KIF26B: variants seen among roughly 807,000 people sequenced by gnomAD.
The protein encoded by KIF26B is kinesin family member 26B, also known as kinesin-like protein KIF26B.
In KIF26B, 63 loss-of-function variants were observed where a neutral mutation model predicts 151.2. That is an observed-to-expected ratio of 0.42 (90% CI 0.34 to 0.51). KIF26B has a LOEUF of 0.51. KIF26B is among the 20% of genes least tolerant of loss of function. The pLI is 0.07. For missense variants in KIF26B, 2,813 were observed against 2,913.6 expected (o/e 0.97, Z 0.79); for synonymous variants, 1,357 against 1,262.1 (o/e 1.08, Z -1.59).
intron 2 of KIF26B, among the ~76,000 whole-genome samples, chr1:245,351,125 G>T (rs914299243): frequency 3.3e-5 from 5 of 152,174 alleles, no homozygotes; most frequent in Non-Finnish European, 7.3e-5. Context: ...CCTATGCATT[G>T]GGATAAACTT....
At chr1:245,251,345 C>G (rs1049256124) in intron 2 of KIF26B, among the ~76,000 whole-genome samples, 6 of 152,156 alleles carry the variant, frequency 3.9e-5, no homozygotes, top group African/African-American at 1.4e-4. Context: ...GGCAGGTCTT[C>G]TAACTTTCTA....
rs375566316 is a variant in KIF26B at position 245,688,508 on chromosome 1, C to G, written c.5525C>G (p.Ala1842Gly). ...GGGGCCCTGGCCGAGGACGAGCCCGCGGCCGCGCACCTGCTCCCGTCGCCC... is the reference window on the plus strand; with the variant it reads ...GGGGCCCTGGCCGAGGACGAGCCCGGGGCCGCGCACCTGCTCCCGTCGCCC... ...RGGALAEDEP[A>G]AAHLLPSPYS... Residue 1842 changes from alanine to glycine, a missense_variant, in exon 12 of 15, where the codon GCG becomes GGG. Transcript: ENST00000407071. The G allele has an allele frequency of 6.7e-7, 1 of 1,493,098 alleles. No homozygotes were observed. The highest frequency in any genetic ancestry group is 1.3e-5 in the South Asian group (1 of 78,898). 92.5% of individuals were successfully genotyped at this position (1,493,098 alleles called of 1,614,324 possible). A position where few individuals can be genotyped will look rare whatever the true frequency, so the allele number is the denominator to read the frequency against.
intron 2 of KIF26B, among the ~76,000 whole-genome samples, chr1:245,341,459 A>C (rs1672333268): frequency 6.6e-6 from 1 of 151,944 alleles, no homozygotes; most frequent in Admixed American, 6.6e-5. Flanking sequence ...AGCTGTGGCT[A>C]CAGGCACACA....
At chr1:245,533,800 A>G (rs947462210) in intron 4 of KIF26B, among the ~76,000 whole-genome samples, 1 of 152,078 alleles carries the variant, frequency 6.6e-6, no homozygotes, top group Non-Finnish European at 1.5e-5. Flanking sequence ...TACAAAAAAA[A>G]AAAAGTCAAA....
At chr1:245,598,545 T>G (rs1056896074) in intron 5 of KIF26B, among the ~76,000 whole-genome samples, 1 of 152,148 alleles carries the variant, frequency 6.6e-6, no homozygotes, top group Non-Finnish European at 1.5e-5. Context: ...TGTGATCACG[T>G]GTAGTGGTCA....
chr1:245,566,430 T>C (rs185691320), intron 5 of KIF26B, among the ~76,000 whole-genome samples: 19 of 152,378 alleles, frequency 1.2e-4, no homozygotes, highest in Admixed American at 1.1e-3. Context: ...GCAAATTCAA[T>C]GATAATTGTG....
At chr1:245,527,539 T>TTTTTTTTTTTTC (rs1661265534) in intron 4 of KIF26B, among the ~76,000 whole-genome samples, 1 of 121,790 alleles carries the variant, frequency 8.2e-6, no homozygotes, top group African/African-American at 3.4e-5. Flanking sequence ...TTTTTTTTTT[T>TTTTTTTTTTTTC]TTTTTTTTTT....
At chr1:245,532,406 CAG>C (rs1558202656) in intron 4 of KIF26B, among the ~76,000 whole-genome samples, 3 of 151,818 alleles carry the variant, frequency 2.0e-5, no homozygotes, top group Non-Finnish European at 4.4e-5. Context: ...CCACCATGCC[CAG>C]CTAATTTTTT....
intron 2 of KIF26B, among the ~76,000 whole-genome samples, chr1:245,279,599 G>A (rs887630417): frequency 9.9e-5 from 15 of 152,114 alleles, no homozygotes; most frequent in Non-Finnish European, 2.1e-4. Context: ...ATGAGTCACC[G>A]TGCCCAGACT....
At chr1:245,462,293 C>T (rs914274193) in intron 4 of KIF26B, among the ~76,000 whole-genome samples, 4 of 151,926 alleles carry the variant, frequency 2.6e-5, no homozygotes, top group African/African-American at 7.3e-5. Flanking sequence ...TGTGAAAATC[C>T]GAATCACAGG....
intron 4 of KIF26B, among the ~76,000 whole-genome samples, chr1:245,445,804 C>A (rs573168606): frequency 6.6e-6 from 1 of 152,306 alleles, no homozygotes; most frequent in African/African-American, 2.4e-5. Flanking sequence ...ACACCCATCA[C>A]TCTGCTCTCC....
At chr1:245,303,383 A>C (rs1052517410) in intron 2 of KIF26B, among the ~76,000 whole-genome samples, 2 of 150,734 alleles carry the variant, frequency 1.3e-5, no homozygotes, top group African/African-American at 4.9e-5. Flanking sequence ...TATTTTTAGT[A>C]GAGACGGGGT....
At chr1:245,651,123 A>G (rs76756600) in intron 10 of KIF26B, among the ~76,000 whole-genome samples, 3,379 of 152,264 alleles carry the variant, frequency 0.022, 130 homozygotes, top group African/African-American at 0.077. Context: ...CGATGAGGAC[A>G]CCCATCCTCA....
intron 10 of KIF26B, among the ~76,000 whole-genome samples, chr1:245,658,150 C>T (rs1272462457): frequency 1.3e-5 from 2 of 152,210 alleles, no homozygotes; most frequent in Non-Finnish European, 2.9e-5. Context: ...ATTCTATGCC[C>T]TTCCGTACCT....
chr1:245,305,577 A>C (rs913399765), intron 2 of KIF26B, among the ~76,000 whole-genome samples: 1 of 152,260 alleles, frequency 6.6e-6, no homozygotes, highest in Non-Finnish European at 1.5e-5. Context: ...GCTAGAATAA[A>C]AAAGATAAAC....
chr1:245,370,990 C>T (rs1365019145), intron 3 of KIF26B, among the ~76,000 whole-genome samples: 2 of 152,132 alleles, frequency 1.3e-5, no homozygotes, highest in Non-Finnish European at 2.9e-5. Flanking sequence ...AGAGATGCCG[C>T]GGTGCTTTGG....
At chr1:245,620,707 A>C (rs1438865806) in intron 9 of KIF26B, among the ~76,000 whole-genome samples, 1 of 152,142 alleles carries the variant, frequency 6.6e-6, no homozygotes, top group Non-Finnish European at 1.5e-5. Flanking sequence ...CGTCCAAAAA[A>C]TCCTCATTTT....
At position 245,279,652 on chromosome 1, in the gene KIF26B, G is replaced by A. The variant is rs565140020; in HGVS notation, c.466-87182G>A. ...TGCACTTTGAGGTTTAGGGGCTAAT[G>A]CCTGATGCTTTTTTTTTATCTGTAT... On this transcript the variant is annotated intron_variant, in intron 2 of 14. Transcript: ENST00000407071. Among the ~76,000 whole-genome samples the A allele has an allele frequency of 2.6e-5, 4 of 151,974 alleles. No individual in the cohort carries two copies. In the South Asian group the frequency reaches 8.3e-4, roughly 32 times the overall value.
intron 10 of KIF26B, among the ~76,000 whole-genome samples, chr1:245,671,986 C>A (rs1325993939): frequency 1.3e-5 from 2 of 152,148 alleles, no homozygotes; most frequent in Non-Finnish European, 2.9e-5. Flanking sequence ...CCTCCCAGCT[C>A]CAGGTCCAAA....
Sources: gnomAD v4.1 joint callset for allele counts (sites outside exome capture counted in the v4.1 genomes callset) on GRCh38, gnomAD v4.1.1 for gene constraint, MANE v1.5 for transcripts, NCBI Gene and HGNC (gene_info 2026-07-23, HGNC 2026-07-21) for gene names.